Variants in FAM234A observed in about 807,000 individuals in gnomAD.
FAM234A encodes the protein protein FAM234A.
FAM234A carries 42 observed loss-of-function variants against 49.1 expected under a neutral mutation model. The observed-to-expected ratio is 0.86, with a 90% CI of 0.67 to 1.11. The LOEUF is 1.11. Ranked by LOEUF, FAM234A falls within the 50% of genes least tolerant of loss-of-function variation. The pLI, the probability that FAM234A is intolerant of heterozygous loss-of-function variation, is 0.00. For missense variants in FAM234A, 815 were observed against 745.2 expected (o/e 1.09, Z -1.09); for synonymous variants, 369 against 316.2 (o/e 1.17, Z -1.77).
At chr16:262,316 G>A (rs1423643631) in intron 7 of FAM234A, 91 bp downstream of exon 7, 1 of 1,571,978 alleles carries the variant, frequency 6.4e-7, no homozygotes, top group African/African-American at 1.3e-5. Flanking sequence ...CTCTCGAGGT[G>A]CTGGAGTCAG....
At chr16:238,933 T>A (rs1360356799) in intron 1 of FAM234A, among the ~76,000 whole-genome samples, 2 of 140,692 alleles carry the variant, frequency 1.4e-5, no homozygotes, top group African/African-American at 2.7e-5. Flanking sequence ...AAAAAAAAAA[T>A]TAGCCGGGTG....
intron 1 of FAM234A, among the ~76,000 whole-genome samples, chr16:245,193 A>G (rs1187065519): frequency 6.6e-6 from 1 of 152,002 alleles, no homozygotes; most frequent in Non-Finnish European, 1.5e-5. Context: ...CAAAAAATAC[A>G]AAAATTTGCC....
chr16:268,788 C>G, downstream of FAM234A: 1 of 1,550,078 alleles, frequency 6.5e-7, no homozygotes, highest in Non-Finnish European at 8.7e-7. Context: ...TCACACTGGG[C>G]GACAGCGGAG....
downstream of FAM234A, among the ~76,000 whole-genome samples, chr16:267,468 T>C (rs952214898): frequency 2.0e-5 from 3 of 150,200 alleles, no homozygotes; most frequent in Non-Finnish European, 4.4e-5. Context: ...ATATGTACTA[T>C]ACATGTGCAC....
chr16:240,581 C>T (rs2050578163), intron 1 of FAM234A, among the ~76,000 whole-genome samples: 1 of 151,640 alleles, frequency 6.6e-6, no homozygotes, highest in Non-Finnish European at 1.5e-5. Flanking sequence ...CAGCTCACTG[C>T]AACCTCTGCC....
chr16:244,267 C>T (rs573192318), intron 1 of FAM234A, among the ~76,000 whole-genome samples: 20 of 152,156 alleles, frequency 1.3e-4, no homozygotes, highest in Admixed American at 2.6e-4. Context: ...CGCGCCCGGT[C>T]GGAAAATGAT....
At chr16:259,708 C>T in intron 4 of FAM234A, 109 bp downstream of exon 4, 1 of 789,204 alleles carries the variant, frequency 1.3e-6, no homozygotes, top group Non-Finnish European at 2.1e-6. Flanking sequence ...GGTGGTGTTT[C>T]TGGAACCCAT....
intron 1 of FAM234A, among the ~76,000 whole-genome samples, chr16:235,471 GGC>G (rs1268805861): frequency 2.0e-5 from 3 of 152,280 alleles, no homozygotes. Flanking sequence ...TAGCGTTCCT[GGC>G]TCTCCCCTAC....
In FAM234A at chr16:265,245, A is replaced by G; in HGVS notation, c.*223A>G. On this transcript the variant is annotated 3_prime_UTR_variant, in exon 13 of 13. Transcript: ENST00000399932. ...TCTCTCCCGCCCAGCATCCTCCCTG[A>G]GTCCCCACACAGGGCCTCACTCTGC... 3 of 1,372,502 alleles carry G rather than the reference A, an allele frequency of 2.2e-6. No homozygotes were observed. Among genetic ancestry groups the G allele is most frequent in the Non-Finnish European group, 1.9e-6 (2 of 1,065,276 alleles). 85.0% of individuals were successfully genotyped at this position (1,372,502 alleles called of 1,614,324 possible).
chr16:268,503 A>C, downstream of FAM234A: 1 of 535,048 alleles, frequency 1.9e-6, no homozygotes, highest in South Asian at 2.1e-5. Context: ...GATGGGGAGC[A>C]AGGCCAGCTC....
chr16:241,399 TAGTG>T (rs1413177286), intron 1 of FAM234A, among the ~76,000 whole-genome samples: 3 of 151,390 alleles, frequency 2.0e-5, no homozygotes, highest in Non-Finnish European at 4.4e-5. Flanking sequence ...CTGGGCAACA[TAGTG>T]AGGCTCTCAT....
Position 259,970 on chromosome 16 carries a change from C to G in FAM234A, c.387C>G (p.Gly129=), listed in dbSNP as rs2051392389. ...AGGTGCCGGTGTCTCTCCCTACAGG[C>G]TTTTCCTCTCCCTGCACCTTTGCAG... ...NNFSRSCVDE[G]FSSPCTFAAA... The change falls in exon 5 of 13, where the codon GGC becomes GGG. Residue 129 remains glycine, a splice_region_variant and synonymous_variant. Transcript: ENST00000399932. 1 of 1,612,484 alleles carries G rather than the reference C, an allele frequency of 6.2e-7. No individual in the cohort carries two copies. Among genetic ancestry groups the G allele is most frequent in the African/African-American group, 1.3e-5 (1 of 74,916 alleles).
intron 3 of FAM234A, among the ~76,000 whole-genome samples, chr16:257,106 T>C (rs1431704417): frequency 6.6e-6 from 1 of 152,110 alleles, no homozygotes. Flanking sequence ...CTCAAACTCC[T>C]GACCTCAAGT....
downstream of FAM234A, chr16:268,896 G>T: frequency 1.3e-6 from 2 of 1,550,562 alleles, no homozygotes; most frequent in Non-Finnish European, 1.7e-6. Flanking sequence ...TTGCTTCCGG[G>T]TATTCGCTGG....
At chr16:254,162 C>T in intron 2 of FAM234A, 1 of 518,786 alleles carries the variant, frequency 1.9e-6, no homozygotes, top group Non-Finnish European at 3.4e-6. Context: ...TGGCTCTCCA[C>T]AGCTAACTCG....
At chr16:269,167 G>A (rs2051799955), downstream of FAM234A, 1 of 992,226 alleles carries the variant, frequency 1.0e-6, no homozygotes, top group Non-Finnish European at 1.6e-6. Context: ...CACTGGTGCT[G>A]GGTTCAGCAG....
At position 254,779 on chromosome 16, in the gene FAM234A, CT is replaced by C. The variant is rs1174485811; in HGVS notation, c.268+101del. The stretch of plus-strand genomic sequence containing the variant: ...CTGTGTCTGCGAGTCTAGAAGTGGC[CT>C]TTAAACAGTGAATCAATCCCAAGAG... On this transcript the variant is annotated intron_variant, in intron 3 of 12. Transcript: ENST00000399932. 2.4e-6 allele frequency: 3 copies of C among 1,274,870 alleles called. No individual in the cohort carries two copies. In the South Asian group the frequency reaches 4.1e-5, roughly 18 times the overall value. 79.0% of individuals were successfully genotyped at this position (1,274,870 alleles called of 1,614,324 possible). A position where few individuals can be genotyped will look rare whatever the true frequency, so the allele number is the denominator to read the frequency against.
chr16:249,976 C>G (rs367761481), intron 2 of FAM234A, among the ~76,000 whole-genome samples: 2 of 150,892 alleles, frequency 1.3e-5, no homozygotes, highest in East Asian at 3.9e-4. Flanking sequence ...GACGGAGTCT[C>G]GCTCTGTCGC....
At chr16:253,080 T>C (rs2141271452) in intron 2 of FAM234A, among the ~76,000 whole-genome samples, 1 of 152,354 alleles carries the variant, frequency 6.6e-6, no homozygotes, top group East Asian at 1.9e-4. Flanking sequence ...TTTCTCGTTT[T>C]ATACAGTCGA....
Sources: allele counts gnomAD v4.1 joint callset (sites outside exome capture counted in the v4.1 genomes callset), GRCh38; gene constraint gnomAD v4.1.1; transcripts MANE v1.5; gene names NCBI Gene and HGNC (gene_info 2026-07-23, HGNC 2026-07-21).